Variants in DCTN2 observed in about 807,000 individuals in gnomAD.
DCTN2 encodes dynactin subunit 2.
In DCTN2, 18 loss-of-function variants were observed where a neutral mutation model predicts 55.4. The observed-to-expected ratio is 0.32, with a 90% CI of 0.22 to 0.48. The LOEUF is 0.48. Ranked by LOEUF, DCTN2 falls within the 20% of genes least tolerant of loss-of-function variation. DCTN2 has a pLI of 0.99. For missense variants in DCTN2, 390 were observed against 491.0 expected (o/e 0.79, Z 1.94); for synonymous variants, 168 against 185.2 (o/e 0.91, Z 0.76).
intron 2 of DCTN2, among the ~76,000 whole-genome samples, chr12:57,545,071 C>T (rs1437553482): frequency 6.6e-6 from 1 of 152,126 alleles, no homozygotes. Flanking sequence ...GTCAGCATTC[C>T]CCAGAATTAA....
intron 2 of DCTN2, among the ~76,000 whole-genome samples, chr12:57,538,841 G>A (rs1369682254): frequency 6.6e-6 from 1 of 152,172 alleles, no homozygotes; most frequent in Non-Finnish European, 1.5e-5. Flanking sequence ...AAAACTAGGA[G>A]TTAGATGTTA....
intron 2 of DCTN2, among the ~76,000 whole-genome samples, chr12:57,542,061 G>A (rs1880738096): frequency 6.6e-6 from 1 of 152,160 alleles, no homozygotes; most frequent in African/African-American, 2.4e-5. Flanking sequence ...GATCACCTGA[G>A]GTCAGGGGTT....
chr12:57,531,879 C>A, intron 13 of DCTN2, 136 bp downstream of exon 13: 1 of 1,240,646 alleles, frequency 8.1e-7, no homozygotes, highest in Non-Finnish European at 1.1e-6. Flanking sequence ...ACATTGAAAG[C>A]AGGATGGAGA....
At chr12:57,533,909 A>G (rs1360589713) in intron 7 of DCTN2, 44 bp downstream of exon 7, 2 of 1,536,590 alleles carry the variant, frequency 1.3e-6, no homozygotes, top group Admixed American at 4.0e-5. Context: ...CTCTAGGGTC[A>G]CATCTCCCCT....
chr12:57,547,173 G>C lies in DCTN2; in HGVS notation c.-110C>G. The stretch of plus-strand genomic sequence containing the variant: ...CCGGGCTAAGGCGGCGGCAAAGGGA[G>C]CGGCAGATGAGCAGGAAGTCTCGCG... On this transcript the variant is annotated 5_prime_UTR_variant, in exon 1 of 14. Coordinates refer to ENST00000548249, the MANE Select transcript of DCTN2 (RefSeq NM_001261413.2). 1.1e-6 allele frequency: 1 copy of C among 892,730 alleles called. No individual in the cohort carries two copies. The highest frequency in any genetic ancestry group is 3.3e-5 in the East Asian group (1 of 30,128). 55.3% of individuals were successfully genotyped at this position (892,730 alleles called of 1,614,324 possible). A position where few individuals can be genotyped will look rare whatever the true frequency, so the allele number is the denominator to read the frequency against.
intron 2 of DCTN2, among the ~76,000 whole-genome samples, chr12:57,537,115 G>A (rs1302235270): frequency 1.3e-5 from 2 of 150,912 alleles, no homozygotes; most frequent in Non-Finnish European, 1.5e-5. Context: ...CGGCCAAGGC[G>A]GGTGGATCTC....
intron 7 of DCTN2, among the ~76,000 whole-genome samples, chr12:57,533,568 G>A (rs917626269): frequency 1.3e-5 from 2 of 152,080 alleles, no homozygotes; most frequent in Admixed American, 6.5e-5. Flanking sequence ...TCAGGAGATC[G>A]AGACCATTCT....
intron 11 of DCTN2, 117 bp from the exon 12 acceptor site, chr12:57,532,432 C>T (rs759317776): frequency 6.7e-6 from 9 of 1,336,410 alleles, no homozygotes; most frequent in Non-Finnish European, 9.6e-6. Flanking sequence ...AAGCAGTGCC[C>T]TGACTTTCCA....
At chr12:57,532,488 G>C (rs1442922827) in intron 11 of DCTN2, 84 bp downstream of exon 11, 3 of 1,461,872 alleles carry the variant, frequency 2.1e-6, no homozygotes, top group East Asian at 4.5e-5. Context: ...GGGACCTGAG[G>C]AGTCAGTGTG....
At chr12:57,538,666 T>C (rs1020242591) in intron 2 of DCTN2, 2 of 649,058 alleles carry the variant, frequency 3.1e-6, no homozygotes, top group African/African-American at 3.6e-5. Context: ...TCCAACACAC[T>C]GCACCACAGG....
At position 57,546,112 on chromosome 12, in the gene DCTN2, G is replaced by T. The variant is rs549997571; in HGVS notation, c.37-16C>A. On this transcript the variant is annotated splice_polypyrimidine_tract_variant and intron_variant, in intron 1 of 13. Coordinates refer to ENST00000548249, the MANE Select transcript of DCTN2 (RefSeq NM_001261413.2). Reference sequence around the variant, plus strand: ...CATTCCTGGCCTGCAGGTAGAAGCAGTGACCACCCAACCTCACTACCCAGC... The same window carrying T: ...CATTCCTGGCCTGCAGGTAGAAGCATTGACCACCCAACCTCACTACCCAGC... 3.2e-5 allele frequency: 52 copies of T among 1,613,490 alleles called. No individual in the cohort carries two copies. The highest frequency in any genetic ancestry group is 4.2e-5 in the Non-Finnish European group (49 of 1,179,590).
chr12:57,545,506 C>G (rs77705976), intron 2 of DCTN2, among the ~76,000 whole-genome samples: 2,840 of 152,318 alleles, frequency 0.019, 95 homozygotes, highest in African/African-American at 0.065. Context: ...TCTAAAAATG[C>G]AACCACAGTC....
chr12:57,541,886 G>A (rs1565683276), intron 2 of DCTN2, among the ~76,000 whole-genome samples: 1 of 152,220 alleles, frequency 6.6e-6, no homozygotes, highest in Non-Finnish European at 1.5e-5. Flanking sequence ...TTCCCAGATT[G>A]AGGAGGAAAG....
intron 2 of DCTN2, chr12:57,543,286 T>C (rs956810055): frequency 2.2e-5 from 7 of 320,774 alleles, no homozygotes; most frequent in Non-Finnish European, 3.1e-5. Flanking sequence ...GAGGTGGAGC[T>C]CGCAGTGAGC....
chr12:57,545,577 T>C (rs567517785), intron 2 of DCTN2, among the ~76,000 whole-genome samples: 2 of 152,366 alleles, frequency 1.3e-5, no homozygotes, highest in African/African-American at 2.4e-5. Context: ...TCTAAAATCT[T>C]GGAATCACTT....
Position 57,530,454 on chromosome 12 carries a change from C to T in DCTN2, c.*235G>A, listed in dbSNP as rs904147079. The T allele has an allele frequency of 2.4e-5, 11 of 466,710 alleles. No homozygotes were observed. The East Asian group carries it at 2.6e-4, about 11-fold the overall frequency. The allele number at this position is 466,710 out of a possible 1,614,324, so 28.9% of individuals were successfully genotyped here. ...ATGAGTTGGCATGTGGCTGGGCCCA[C>T]GTCCTTATCCCCCAGGCCTGAGGGG... On this transcript the variant is annotated 3_prime_UTR_variant, in exon 14 of 14. Transcript: ENST00000548249.
chr12:57,547,092 G>A lies in DCTN2; in HGVS notation c.-29C>T, dbSNP rs11545682. 3 of 1,260,166 alleles carry A rather than the reference G, an allele frequency of 2.4e-6. No homozygotes were observed. The highest frequency in any genetic ancestry group is 3.8e-5 in the South Asian group (1 of 26,484). 78.1% of individuals were successfully genotyped at this position (1,260,166 alleles called of 1,614,324 possible). On this transcript the variant is annotated 5_prime_UTR_variant, in exon 1 of 14. Coordinates refer to ENST00000548249, the MANE Select transcript of DCTN2 (RefSeq NM_001261413.2). ...GGCGGCGAGACGGGCTGGGGGACCC[G>A]GGCCTCGGTGGAGCCGGGGCCGGTG...
rs1198206446 is a variant in DCTN2 at position 57,535,558 on chromosome 12, G to T, written c.203-13C>A. 1 of 1,613,864 alleles carries T rather than the reference G, an allele frequency of 6.2e-7. No individual in the cohort carries two copies. The highest frequency in any genetic ancestry group is 8.5e-7 in the Non-Finnish European group (1 of 1,179,892). ...CGATCTGAGAAATCTGCCAAGAAAA[G>T]AAGATGGAACTGAGGGCCTGATCTA... On this transcript the variant is annotated splice_polypyrimidine_tract_variant and intron_variant, in intron 3 of 13. Coordinates refer to ENST00000548249, the MANE Select transcript of DCTN2 (RefSeq NM_001261413.2).
chr12:57,538,444 G>T, intron 2 of DCTN2: 2 of 735,568 alleles, frequency 2.7e-6, no homozygotes, highest in South Asian at 1.4e-5. Flanking sequence ...ATTTAGTAGA[G>T]TCTAAAGGAC....
Sources: allele counts gnomAD v4.1 joint callset (sites outside exome capture counted in the v4.1 genomes callset), GRCh38; gene constraint gnomAD v4.1.1; transcripts MANE v1.5; gene names NCBI Gene and HGNC (gene_info 2026-07-23, HGNC 2026-07-21).